The following LRP12 variants were observed in gnomAD, a reference collection of about 807,000 sequenced individuals.
The protein encoded by LRP12 is LDL receptor related protein 12, also known as low-density lipoprotein receptor-related protein 12.
Under a neutral mutation model 66.0 loss-of-function variants are expected in LRP12, and 14 were observed. The observed-to-expected ratio is 0.21, with a 90% CI of 0.14 to 0.33. The LOEUF is 0.33. Among genes scored for constraint, LRP12 ranks in the 10% least tolerant of loss-of-function variants. LRP12 has a pLI of 1.00. For synonymous variants in LRP12, 357 were observed against 359.1 expected (o/e 0.99, Z 0.07); for missense variants, 889 against 1,053.4 (o/e 0.84, Z 2.16).
At chr8:104,576,933 AG>A (rs1812173529) in intron 1 of LRP12, among the ~76,000 whole-genome samples, 1 of 152,162 alleles carries the variant, frequency 6.6e-6, no homozygotes, top group African/African-American at 2.4e-5. Context: ...AATGGAAAAA[AG>A]AAAAAAGCAA....
intron 2 of LRP12, among the ~76,000 whole-genome samples, chr8:104,513,433 G>C (rs1811025944): frequency 6.6e-6 from 1 of 152,098 alleles, no homozygotes; most frequent in Admixed American, 6.5e-5. Flanking sequence ...ATTTCTGATA[G>C]CTCAATGGGA....
At chr8:104,547,616 T>C (rs1247179253) in intron 1 of LRP12, among the ~76,000 whole-genome samples, 2 of 125,580 alleles carry the variant, frequency 1.6e-5, no homozygotes, top group African/African-American at 3.1e-5. Flanking sequence ...TAATATATAA[T>C]ATATTAATAT....
At chr8:104,550,242 A>G (rs1564142942) in intron 1 of LRP12, among the ~76,000 whole-genome samples, 1 of 152,204 alleles carries the variant, frequency 6.6e-6, no homozygotes, top group Non-Finnish European at 1.5e-5. Flanking sequence ...CAAGGTAACA[A>G]AAGTGGCAAG....
intron 1 of LRP12, among the ~76,000 whole-genome samples, chr8:104,581,022 TG>T (rs1488352366): frequency 2.6e-5 from 4 of 152,156 alleles, no homozygotes; most frequent in African/African-American, 9.7e-5. Context: ...AACAAAGACA[TG>T]GAATTAACCT....
chr8:104,545,746 A>C (rs1811546560), intron 1 of LRP12, among the ~76,000 whole-genome samples: 1 of 152,206 alleles, frequency 6.6e-6, no homozygotes. Context: ...ATGCACTGGA[A>C]AACCAAAAAA....
chr8:104,588,972 G>GCCGCCA lies in LRP12; in HGVS notation c.-76_-75insTGGCGG. 1.7e-6 allele frequency: 1 copy of GCCGCCA among 580,846 alleles called. No homozygotes were observed. Among genetic ancestry groups the GCCGCCA allele is most frequent in the Non-Finnish European group, 2.7e-6 (1 of 372,894 alleles). 36.0% of individuals were successfully genotyped at this position (580,846 alleles called of 1,614,324 possible). ...GAAGCTGGAGGTAGACGACGCCGAC[G>GCCGCCA]CCGCCGCCGCCGCCGCCGCCGCCGC... On this transcript the variant is annotated 5_prime_UTR_variant, in exon 1 of 7. Transcript: ENST00000276654.
At chr8:104,528,975 G>A (rs1352507182) in intron 2 of LRP12, among the ~76,000 whole-genome samples, 2 of 152,080 alleles carry the variant, frequency 1.3e-5, no homozygotes, top group South Asian at 2.1e-4. Flanking sequence ...CTTCTGAAAT[G>A]GAGTATTTTA....
chr8:104,539,285 T>C (rs2140869068), intron 1 of LRP12, among the ~76,000 whole-genome samples: 1 of 152,304 alleles, frequency 6.6e-6, no homozygotes, highest in South Asian at 2.1e-4. Context: ...TATTTGTTCT[T>C]TTAGAGATGC....
chr8:104,524,092 A>C (rs1811191565), intron 2 of LRP12, among the ~76,000 whole-genome samples: 1 of 151,736 alleles, frequency 6.6e-6, no homozygotes, highest in South Asian at 2.1e-4. Context: ...CAAAAACAAA[A>C]ATTGGCTGGG....
chr8:104,498,075 C>T lies in LRP12; in HGVS notation c.477G>A (p.Gly159=). The stretch of plus-strand genomic sequence containing the variant: ...AAGCACAATTTGGTTCCTCAGATTT[C>T]CCTGTGAAGATGTGAGTAGAAATAG... The part of the protein sequence containing the change: ...RKGFRLAYFS[G]KSEEPNCACD... Residue 159 remains glycine, a splice_region_variant and synonymous_variant, in exon 5 of 7, where the codon GGG becomes GGA. Transcript: ENST00000276654. 1.3e-6 allele frequency: 2 copies of T among 1,582,610 alleles called. No homozygotes were observed. The highest frequency in any genetic ancestry group is 1.7e-6 in the Non-Finnish European group (2 of 1,164,306).
Position 104,490,417 on chromosome 8 carries a change from G to T in LRP12, c.*256C>A. The T allele has an allele frequency of 2.6e-6, 1 of 391,422 alleles. No individual in the cohort carries two copies. Among genetic ancestry groups the T allele is most frequent in the Admixed American group, 4.3e-5 (1 of 23,398 alleles). The allele number at this position is 391,422 out of a possible 1,614,324, so 24.2% of individuals were successfully genotyped here. ...CTACAGTGAACTACAGTATCAGGAT[G>T]AAAACAATCAGAAACAAATGAAAGG... On this transcript the variant is annotated 3_prime_UTR_variant, in exon 7 of 7. Transcript: ENST00000276654.
At position 104,497,081 on chromosome 8, in the gene LRP12, T is replaced by C. The variant is rs752783077; in HGVS notation, c.1471A>G (p.Thr491Ala). 14 of 1,613,494 alleles carry C rather than the reference T, an allele frequency of 8.7e-6. No homozygotes were observed. Among genetic ancestry groups the C allele is most frequent in the Non-Finnish European group, 1.1e-5 (13 of 1,179,668 alleles). The change falls in exon 5 of 7, where the codon ACA becomes GCA. Residue 491 changes from threonine to alanine, a missense_variant. Coordinates refer to ENST00000276654, the MANE Select transcript of LRP12 (RefSeq NM_013437.5). This position sits in a 1 kb window ranked among gnomAD's most constrained non-coding sequence, Gnocchi z 4.3. ...ATGACGGCAGCAGTGATGACTCTTG[T>C]AGGCACGATTACTGGGCAATTTTCT... ...DEENCPVIVP[T>A]RVITAAVIGS...
intron 1 of LRP12, among the ~76,000 whole-genome samples, chr8:104,583,187 A>C (rs1812282494): frequency 6.6e-6 from 1 of 152,178 alleles, no homozygotes; most frequent in African/African-American, 2.4e-5. Context: ...TGACTGTTTC[A>C]AAACATAAAT....
At chr8:104,496,640 A>T (rs7842204) in intron 5 of LRP12, among the ~76,000 whole-genome samples, 22,313 of 152,190 alleles carry the variant, frequency 0.15, 2,440 homozygotes, top group African/African-American at 0.31. Flanking sequence ...ATATAGAATA[A>T]CTGGAATTTT....
At position 104,556,730 on chromosome 8, in the gene LRP12, T is replaced by C. The variant is rs564957242; in HGVS notation, c.80-24767A>G. ...AATCCCATTAACACTATTCCAAAGATAGAGAAAGAAGGAATCTTCCCTACA... is the reference window on the plus strand; with the variant it reads ...AATCCCATTAACACTATTCCAAAGACAGAGAAAGAAGGAATCTTCCCTACA... On this transcript the variant is annotated intron_variant, in intron 1 of 6. Transcript: ENST00000276654. Among the ~76,000 whole-genome samples, 5 of 152,200 alleles carry C rather than the reference T, an allele frequency of 3.3e-5. No homozygotes were observed. The South Asian group carries it at 8.3e-4, about 25-fold the overall frequency.
At chr8:104,547,387 G>A (rs890923124) in intron 1 of LRP12, among the ~76,000 whole-genome samples, 2 of 128,838 alleles carry the variant, frequency 1.6e-5, no homozygotes, top group East Asian at 4.5e-4. Flanking sequence ...GTTATATTTT[G>A]TATATAATAT....
chr8:104,551,343 A>G (rs1811722495), intron 1 of LRP12, among the ~76,000 whole-genome samples: 1 of 152,104 alleles, frequency 6.6e-6, no homozygotes, highest in African/African-American at 2.4e-5. Context: ...CACAATCCTC[A>G]TCATATTTTG....
At chr8:104,518,982 T>G (rs1218988203) in intron 2 of LRP12, among the ~76,000 whole-genome samples, 1 of 152,008 alleles carries the variant, frequency 6.6e-6, no homozygotes, top group Non-Finnish European at 1.5e-5. Context: ...AGTGACCAAC[T>G]GTTGGAATCT....
Position 104,588,985 on chromosome 8 carries a change from C to CCGCCGA in LRP12, c.-89_-88insTCGGCG. The CCGCCGA allele has an allele frequency of 6.7e-6, 6 of 894,762 alleles. No individual in the cohort carries two copies. The highest frequency in any genetic ancestry group is 8.4e-6 in the Non-Finnish European group (5 of 598,338). 55.4% of individuals were successfully genotyped at this position (894,762 alleles called of 1,614,324 possible). A position where few individuals can be genotyped will look rare whatever the true frequency, so the allele number is the denominator to read the frequency against. ...GACGACGCCGACGCCGCCGCCGCCG[C>CCGCCGA]CGCCGCCGCCGCCGAGCCACCGGCT... is the stretch of plus-strand genomic sequence containing the variant. On this transcript the variant is annotated 5_prime_UTR_variant, in exon 1 of 7. Coordinates refer to ENST00000276654, the MANE Select transcript of LRP12 (RefSeq NM_013437.5).
Sources: allele counts gnomAD v4.1 joint callset (sites outside exome capture counted in the v4.1 genomes callset), GRCh38; gene constraint gnomAD v4.1.1; non-coding constraint Gnocchi (gnomAD v3.1); transcripts MANE v1.5; gene names NCBI Gene and HGNC (gene_info 2026-07-23, HGNC 2026-07-21).